The following PRDM15 variants were observed in gnomAD, a reference collection of about 807,000 sequenced individuals.
PRDM15 encodes the protein PR/SET domain 15, also known as PR domain zinc finger protein 15.
A neutral mutation model predicts 128.6 loss-of-function variants in PRDM15; 64 were observed. The observed-to-expected ratio is 0.50, with a 90% CI of 0.41 to 0.61. The LOEUF (loss-of-function observed/expected upper bound fraction) is 0.61, where lower values mean the gene tolerates loss of function less well. PRDM15 is among the 20% of genes least tolerant of loss of function. The pLI is 0.00. For missense variants in PRDM15, 1,242 were observed against 1,569.1 expected, an observed-to-expected ratio of 0.79 and a Z score of 3.52; for synonymous variants, 615 against 621.8, an observed-to-expected ratio of 0.99 and a Z score of 0.16.
chr21:41,852,148 T>C (rs568586072), intron 5 of PRDM15, among the ~76,000 whole-genome samples: 2 of 152,348 alleles, frequency 1.3e-5, no homozygotes, highest in Admixed American at 1.3e-4. Flanking sequence ...GCAGGTAAAA[T>C]GAATACGAAA....
intron 1 of PRDM15, among the ~76,000 whole-genome samples, chr21:41,867,743 T>A (rs1319860130): frequency 6.6e-6 from 1 of 152,228 alleles, no homozygotes; most frequent in African/African-American, 2.4e-5. Flanking sequence ...CTTCTCCATC[T>A]GTACAATTTT....
In PRDM15 at chr21:41,879,236, G is replaced by C. The variant is rs779946583; in HGVS notation, c.-10+34C>G. On this transcript the variant is annotated intron_variant, in intron 1 of 23. Transcript: ENST00000398548. The surrounding 1 kb of genome is among the most constrained non-coding windows in gnomAD (Gnocchi z 5.1). ...CCCGGGGCCGGCGGGGCGCACGCCG[G>C]GGCGGGCGGCGGGCGCAGGGCCCGG... 9.1e-6 allele frequency: 8 copies of C among 878,322 alleles called. No homozygotes were observed. Among genetic ancestry groups the C allele is most frequent in the Non-Finnish European group, 1.1e-5 (8 of 730,550 alleles). 54.4% of individuals were successfully genotyped at this position (878,322 alleles called of 1,614,324 possible). A position where few individuals can be genotyped will look rare whatever the true frequency, so the allele number is the denominator to read the frequency against.
chr21:41,854,214 T>C lies in PRDM15; in HGVS notation c.538+352A>G, dbSNP rs1006485706. 1.3e-5 allele frequency among the ~76,000 whole-genome samples: 2 copies of C among 152,158 alleles called. No homozygotes were observed. The highest frequency in any genetic ancestry group is 6.5e-5 in the Admixed American group (1 of 15,286). On this transcript the variant is annotated intron_variant, in intron 5 of 23. Coordinates refer to ENST00000398548, the MANE Select transcript of PRDM15 (RefSeq NM_001040424.3). The surrounding 1 kb of genome is among the most constrained non-coding windows in gnomAD (Gnocchi z 4.6). Reference sequence around the variant, plus strand: ...CTGGTAGCTAGAACAGGCTACACCATACAGCCTGGGTGTGTAGCAGGCCAG... The same window carrying C: ...CTGGTAGCTAGAACAGGCTACACCACACAGCCTGGGTGTGTAGCAGGCCAG...
In PRDM15 at chr21:41,801,489, A is replaced by G. The variant is rs1268573544; in HGVS notation, c.3177T>C (p.Asn1059=). 7.4e-6 allele frequency: 12 copies of G among 1,614,060 alleles called. 1 individual carries two copies. In the African/African-American group the frequency reaches 1.3e-4, roughly 18 times the overall value. ...SGSAMLHNRQ[N]DVQIHPQPEA... is the part of the protein sequence containing the mutation. ...CCGGCTGGGGGTGGATCTGGACGTC[A>G]TTTTGGCGGTTGTGCAACATGGCAG... The change falls in exon 24 of 24, where the codon AAT becomes AAC. Residue 1059 remains asparagine (N), a synonymous_variant. Transcript: ENST00000398548.
At chr21:41,878,973 A>G in intron 1 of PRDM15, 1 of 989,306 alleles carries the variant, frequency 1.0e-6, no homozygotes, top group Non-Finnish European at 1.2e-6. Flanking sequence ...GAGCCCGGCC[A>G]GGAGCGCCCG....
rs534023779 is a variant in PRDM15 at position 41,859,963 on chromosome 21, G to A, written c.38-278C>T. ...CCGCCGCACGCCTCAAATCAAGCAC[G>A]GTCACCTCCATGGTGACGAAGACCA... On this transcript the variant is annotated intron_variant, in intron 2 of 23. Coordinates refer to ENST00000398548, the MANE Select transcript of PRDM15 (RefSeq NM_001040424.3). The surrounding 1 kb of genome is among the most constrained non-coding windows in gnomAD (Gnocchi z 5.3). 6.6e-5 allele frequency among the ~76,000 whole-genome samples: 10 copies of A among 152,176 alleles called. No individual in the cohort carries two copies. The South Asian group carries it at 2.1e-3, about 32-fold the overall frequency.
At position 41,862,354 on chromosome 21, in the gene PRDM15, C is replaced by G. The variant is rs957361384; in HGVS notation, c.-9-1982G>C. Among the ~76,000 whole-genome samples, 1 of 152,274 alleles carries G rather than the reference C, an allele frequency of 6.6e-6. No homozygotes were observed. Among genetic ancestry groups the G allele is most frequent in the Non-Finnish European group, 1.5e-5 (1 of 68,014 alleles). On this transcript the variant is annotated intron_variant, in intron 1 of 23. Coordinates refer to ENST00000398548, the MANE Select transcript of PRDM15 (RefSeq NM_001040424.3). This position sits in a 1 kb window ranked among gnomAD's most constrained non-coding sequence, Gnocchi z 4.1. ...CGTCCTGGCCTTGCTTACTTGGGAG[C>G]CTGCACGAATCCCCTGAGGCCTTGT...
At chr21:41,864,761 T>G (rs1383762929) in intron 1 of PRDM15, among the ~76,000 whole-genome samples, 2 of 152,112 alleles carry the variant, frequency 1.3e-5, no homozygotes, top group Non-Finnish European at 2.9e-5. Flanking sequence ...TTCTAGAACA[T>G]AAATCCAATC....
intron 5 of PRDM15, among the ~76,000 whole-genome samples, chr21:41,852,886 T>C (rs12329807): frequency 0.67 from 101,248 of 152,106 alleles, 34,113 homozygotes; most frequent in Admixed American, 0.74. Context: ...TCATGCTGGA[T>C]TGGGGAGGCC....
At chr21:41,818,445 G>A (rs1169489959) in intron 18 of PRDM15, among the ~76,000 whole-genome samples, 1 of 123,536 alleles carries the variant, frequency 8.1e-6, no homozygotes, top group African/African-American at 2.6e-5. Context: ...TTGGCGAGGT[G>A]CATGCGCTGC....
At chr21:41,841,433 T>C (rs1455569842) in intron 6 of PRDM15, among the ~76,000 whole-genome samples, 5 of 152,074 alleles carry the variant, frequency 3.3e-5, no homozygotes, top group African/African-American at 9.7e-5. Flanking sequence ...CCAGTGCAGA[T>C]GGTTAAAGAA....
chr21:41,860,067 C>T (rs1484533909), intron 2 of PRDM15, among the ~76,000 whole-genome samples: 1 of 152,190 alleles, frequency 6.6e-6, no homozygotes, highest in Non-Finnish European at 1.5e-5. Flanking sequence ...CCCTGGATTA[C>T]TTTTCTGAAT....
chr21:41,801,682 G>A lies in PRDM15; in HGVS notation c.2984C>T (p.Ser995Leu), dbSNP rs996045746. 15 of 1,614,126 alleles carry A rather than the reference G, an allele frequency of 9.3e-6. No individual in the cohort carries two copies. The highest frequency in any genetic ancestry group is 1.6e-4 in the Middle Eastern group (1 of 6,062). ...GATGTTGGTTAAGCCGACTGAGCTC[G>A]ATGGTGTGGTCACATTTGGGTCACC... ...TLGDPNVTTP[S>L]SSVGLTNITV... The change falls in exon 24 of 24, where the codon TCG (serine) becomes TTG (leucine). Residue 995 changes from serine (S) to leucine (L), a missense_variant. Ser to Leu is a moderately radical substitution (Grantham distance 145, BLOSUM62 -2). This residue lies in a region of PRDM15 where 602 missense variants were observed against 788.3 expected (regional missense o/e 0.76). Transcript: ENST00000398548.
intron 5 of PRDM15, among the ~76,000 whole-genome samples, 191 bp from the exon 6 acceptor site, chr21:41,847,382 C>T (rs73361527): frequency 6.6e-6 from 1 of 152,146 alleles, no homozygotes; most frequent in East Asian, 1.9e-4. Context: ...CTGATACGGT[C>T]GTGTGACTGT....
chr21:41,831,450 C>T (rs957341995), intron 11 of PRDM15, among the ~76,000 whole-genome samples: 3 of 152,236 alleles, frequency 2.0e-5, no homozygotes, highest in Non-Finnish European at 2.9e-5. Context: ...TCTCCACCCC[C>T]GCCAGGTAGA....
rs1175447157 is a variant in PRDM15 at position 41,839,839 on chromosome 21, G to A, written c.655C>T (p.His219Tyr). The change falls in exon 7 of 24, where the codon CAC becomes TAC. Residue 219 changes from histidine to tyrosine, a missense_variant. Transcript: ENST00000398548. The stretch of plus-strand genomic sequence containing the variant: ...GGAAGGCTTTTGGCTTGTTCTAAGT[G>A]GCCCAACAGATGTTCTGCAAAGAGA... The part of the protein sequence containing the change: ...LQLLNEHLLG[H>Y]LEQAKSLPPG... 1 of 1,614,110 alleles carries A rather than the reference G, an allele frequency of 6.2e-7. No individual in the cohort carries two copies. The highest frequency in any genetic ancestry group is 1.1e-5 in the South Asian group (1 of 91,080).
intron 1 of PRDM15, among the ~76,000 whole-genome samples, chr21:41,878,068 T>C (rs1327037792): frequency 6.6e-6 from 1 of 152,386 alleles, no homozygotes; most frequent in Non-Finnish European, 1.5e-5. Flanking sequence ...ACCACCCTTA[T>C]CGAGTGTTGA....
chr21:41,863,840 C>T (rs146961959), intron 1 of PRDM15, among the ~76,000 whole-genome samples: 110 of 151,920 alleles, frequency 7.2e-4, no homozygotes, highest in African/African-American at 2.6e-3. Flanking sequence ...ACAAACATGC[C>T]CAAAGCATTT....
rs779076865 is a variant in PRDM15, at chr21:41,861,744, TTG to T, written c.-9-1374_-9-1373del. ...ATATGGAAACTCACAGTCACTGAAC[TTG>T]TGTGTCTGAGAGCAGTGCCGGGTTG... On this transcript the variant is annotated intron_variant, in intron 1 of 23. Transcript: ENST00000398548. 1.9e-6 allele frequency: 3 copies of T among 1,613,928 alleles called. No homozygotes were observed. In the South Asian group the frequency reaches 3.3e-5, roughly 18 times the overall value.
Sources: gnomAD v4.1 joint callset for allele counts (sites outside exome capture counted in the v4.1 genomes callset) on GRCh38, gnomAD v4.1.1 for gene constraint, gnomAD v4.1.1 regional missense constraint, Gnocchi (gnomAD v3.1) non-coding constraint, MANE v1.5 for transcripts, NCBI Gene and HGNC (gene_info 2026-07-23, HGNC 2026-07-21) for gene names.